EXOC6B: variants seen among roughly 807,000 people sequenced by gnomAD.
EXOC6B encodes the protein exocyst complex component 6B.
Under a neutral mutation model 113.5 loss-of-function variants are expected in EXOC6B, and 54 were observed. The ratio of observed to expected loss-of-function variants is 0.48; its 90% CI spans 0.38 to 0.60. EXOC6B has a LOEUF of 0.60. EXOC6B is among the 20% of genes least tolerant of loss of function. EXOC6B has a pLI of 0.00. For synonymous variants in EXOC6B, 357 were observed against 339.0 expected (o/e 1.05, Z -0.58); for missense variants, 797 against 977.5 (o/e 0.82, Z 2.46).
chr2:72,309,485 A>G (rs1293383946), intron 20 of EXOC6B, among the ~76,000 whole-genome samples: 2 of 152,152 alleles, frequency 1.3e-5, no homozygotes, highest in African/African-American at 4.8e-5. Flanking sequence ...GTTAAATCCC[A>G]TGCCTGGATT....
intron 6 of EXOC6B, among the ~76,000 whole-genome samples, chr2:72,630,583 G>A (rs1026723779): frequency 6.6e-6 from 1 of 151,692 alleles, no homozygotes; most frequent in African/African-American, 2.4e-5. Flanking sequence ...CTTCCACTAG[G>A]ACCTCTGGAA....
intron 20 of EXOC6B, among the ~76,000 whole-genome samples, chr2:72,304,320 A>C (rs1349849113): frequency 6.6e-6 from 1 of 152,230 alleles, no homozygotes; most frequent in Non-Finnish European, 1.5e-5. Context: ...CCTTAATAGA[A>C]TATTACTGAA....
At chr2:72,494,429 A>G (rs1699926128) in intron 15 of EXOC6B, among the ~76,000 whole-genome samples, 1 of 152,154 alleles carries the variant, frequency 6.6e-6, no homozygotes, top group Non-Finnish European at 1.5e-5. Context: ...CTATGAAAAC[A>G]ATTTCATTTT....
intron 5 of EXOC6B, among the ~76,000 whole-genome samples, 189 bp from the exon 6 acceptor site, chr2:72,718,496 C>G (rs1376424872): frequency 2.0e-5 from 3 of 151,996 alleles, no homozygotes; most frequent in Non-Finnish European, 2.9e-5. Context: ...AAATTATAAT[C>G]AAAAAAAGAT....
At chr2:72,211,867 C>T (rs539480743) in intron 20 of EXOC6B, among the ~76,000 whole-genome samples, 1 of 152,218 alleles carries the variant, frequency 6.6e-6, no homozygotes. Flanking sequence ...TTTTCTGTTA[C>T]CCAGTGTTAT....
chr2:72,237,465 T>C lies in EXOC6B; in HGVS notation c.2197-53278A>G, dbSNP rs187901302. Among the ~76,000 whole-genome samples the C allele has an allele frequency of 4.1e-3, 446 of 109,216 alleles. 1 individual carries two copies. Among genetic ancestry groups the C allele is most frequent in the Middle Eastern group, 7.5e-3 (2 of 268 alleles). The allele number at this position is 109,216 out of a possible 152,430, so 71.6% of individuals were successfully genotyped here. On this transcript the variant is annotated intron_variant, in intron 20 of 21. Coordinates refer to ENST00000272427, the MANE Select transcript of EXOC6B (RefSeq NM_015189.3). Reference sequence around the variant, plus strand: ...GAAACAGAGATTCAGCAAATATATCTAAGAAAAAAAATATGCAAAGAAACC... The same window carrying C: ...GAAACAGAGATTCAGCAAATATATCCAAGAAAAAAAATATGCAAAGAAACC...
At chr2:72,382,428 A>G (rs1249661220) in intron 18 of EXOC6B, among the ~76,000 whole-genome samples, 1 of 152,160 alleles carries the variant, frequency 6.6e-6, no homozygotes, top group Non-Finnish European at 1.5e-5. Context: ...TGTTTTGGCT[A>G]CTGTAGCCCT....
chr2:72,770,818 AG>A (rs1683368791), intron 1 of EXOC6B, among the ~76,000 whole-genome samples: 1 of 152,176 alleles, frequency 6.6e-6, no homozygotes, highest in African/African-American at 2.4e-5. Flanking sequence ...TTACCTTCAG[AG>A]AGAGACAGAG....
chr2:72,780,110 C>A (rs1413058652), intron 1 of EXOC6B, among the ~76,000 whole-genome samples: 1 of 152,100 alleles, frequency 6.6e-6, no homozygotes, highest in Non-Finnish European at 1.5e-5. Flanking sequence ...CCAACCATTA[C>A]ATGTATTATT....
chr2:72,755,017 G>T (rs961009217), intron 1 of EXOC6B, among the ~76,000 whole-genome samples: 5 of 152,210 alleles, frequency 3.3e-5, no homozygotes, highest in African/African-American at 1.2e-4. Flanking sequence ...AGGAGTGTAT[G>T]ATAAGGATAT....
intron 18 of EXOC6B, among the ~76,000 whole-genome samples, chr2:72,456,751 T>G (rs962103513): frequency 1.3e-5 from 2 of 152,144 alleles, no homozygotes; most frequent in East Asian, 3.9e-4. Flanking sequence ...GTAAAGCATT[T>G]GGAACACAGC....
chr2:72,196,666 G>T (rs555775799), intron 20 of EXOC6B, among the ~76,000 whole-genome samples: 1 of 152,058 alleles, frequency 6.6e-6, no homozygotes, highest in Admixed American at 6.6e-5. Flanking sequence ...ATTTCAAAAG[G>T]GTTCTGCCTC....
chr2:72,299,760 T>C (rs1260578057), intron 20 of EXOC6B, among the ~76,000 whole-genome samples: 1 of 152,180 alleles, frequency 6.6e-6, no homozygotes, highest in Non-Finnish European at 1.5e-5. Flanking sequence ...TACTATTCCT[T>C]TCTGTTTGTT....
chr2:72,321,443 G>A (rs1687837641), intron 20 of EXOC6B, among the ~76,000 whole-genome samples: 1 of 150,726 alleles, frequency 6.6e-6, no homozygotes, highest in Non-Finnish European at 1.5e-5. Flanking sequence ...GCTGAGGCAG[G>A]AGAATTGCTT....
chr2:72,715,566 G>A (rs1162605563), intron 6 of EXOC6B, among the ~76,000 whole-genome samples: 1 of 151,916 alleles, frequency 6.6e-6, no homozygotes, highest in Non-Finnish European at 1.5e-5. Flanking sequence ...GTTCCTTCCA[G>A]GGAATCAAGG....
intron 6 of EXOC6B, among the ~76,000 whole-genome samples, chr2:72,584,552 C>A (rs1705430230): frequency 6.6e-6 from 1 of 152,142 alleles, no homozygotes; most frequent in African/African-American, 2.4e-5. Context: ...CAGACAACCA[C>A]ACAAAAATAG....
At chr2:72,410,467 A>C (rs1029731510) in intron 18 of EXOC6B, among the ~76,000 whole-genome samples, 15 of 152,344 alleles carry the variant, frequency 9.8e-5, no homozygotes, top group African/African-American at 3.4e-4. Flanking sequence ...AGTATCAAGT[A>C]AGCAACATTG....
intron 13 of EXOC6B, 51 bp from the exon 14 acceptor site, chr2:72,496,610 G>C: frequency 9.0e-7 from 1 of 1,105,456 alleles, no homozygotes; most frequent in South Asian, 1.3e-5. Flanking sequence ...CAAAGTGGGG[G>C]GGTAGGGGAG....
intron 19 of EXOC6B, among the ~76,000 whole-genome samples, chr2:72,342,382 T>A (rs984870472): frequency 1.3e-5 from 2 of 151,892 alleles, no homozygotes; most frequent in African/African-American, 4.8e-5. Flanking sequence ...AGGACCTAAA[T>A]AGACATTTTT....
Sources: gnomAD v4.1 joint callset for allele counts (sites outside exome capture counted in the v4.1 genomes callset) on GRCh38, gnomAD v4.1.1 for gene constraint, MANE v1.5 for transcripts, NCBI Gene and HGNC (gene_info 2026-07-23, HGNC 2026-07-21) for gene names.